Variants in MARCHF11 observed in about 807,000 individuals in gnomAD.
MARCHF11 encodes the protein membrane associated ring-CH-type finger 11, also known as E3 ubiquitin-protein ligase MARCHF11.
MARCHF11 carries 29 observed loss-of-function variants against 37.3 expected under a neutral mutation model. The observed-to-expected ratio is 0.78, with a 90% confidence interval of 0.58 to 1.06. MARCHF11 has a LOEUF of 1.06. MARCHF11 is among the 50% of genes least tolerant of loss of function. MARCHF11 has a pLI of 0.00. For missense variants in MARCHF11, 482 were observed against 533.4 expected (o/e 0.90, Z 0.95); for synonymous variants, 233 against 228.0 (o/e 1.02, Z -0.20).
chr5:16,162,762 T>C (rs1233581927), intron 2 of MARCHF11, among the ~76,000 whole-genome samples: 7 of 152,034 alleles, frequency 4.6e-5, no homozygotes, highest in African/African-American at 1.7e-4. Flanking sequence ...AAATATTAAA[T>C]GGATGAACAA....
intron 3 of MARCHF11, among the ~76,000 whole-genome samples, chr5:16,081,692 C>T (rs1736611968): frequency 6.6e-6 from 1 of 152,164 alleles, no homozygotes; most frequent in Non-Finnish European, 1.5e-5. Flanking sequence ...CTGACAGTGT[C>T]ACACTATCTC....
At chr5:16,080,497 A>G (rs1198636941) in intron 3 of MARCHF11, among the ~76,000 whole-genome samples, 1 of 152,164 alleles carries the variant, frequency 6.6e-6, no homozygotes. Flanking sequence ...CTGGGTGCAC[A>G]CTGGCCACAT....
rs374897876 is a variant in MARCHF11, at chr5:16,067,838, C to G, written c.887-45G>C. The G allele has an allele frequency of 1.8e-4, 280 of 1,525,396 alleles. No homozygotes were observed. In the Middle Eastern group the frequency reaches 3.7e-3, roughly 20 times the overall value. The allele number at this position is 1,525,396 out of a possible 1,614,324, so 94.5% of individuals were successfully genotyped here. A position where few individuals can be genotyped will look rare whatever the true frequency, so the allele number is the denominator to read the frequency against. ...AAAACCAAAAAGACTGGTGATAATC[C>G]AAGGCTGGGAGTGTTATTTTGTATA... On this transcript the variant is annotated intron_variant, in intron 3 of 3. Transcript: ENST00000332432.
chr5:16,101,038 A>C (rs1022082505), intron 2 of MARCHF11, among the ~76,000 whole-genome samples: 1 of 152,280 alleles, frequency 6.6e-6, no homozygotes, highest in South Asian at 2.1e-4. Flanking sequence ...TACAGAGTCC[A>C]CAGAAGAAAT....
rs115900406 is a variant in MARCHF11, at chr5:16,119,718, A to G, written c.694-28637T>C. On this transcript the variant is annotated intron_variant, in intron 2 of 3. Coordinates refer to ENST00000332432, the MANE Select transcript of MARCHF11 (RefSeq NM_001102562.3). ...GGATGCTGAGGTCCTATCAGCTAAC[A>G]AAACAACTATGTTTACTGATTTGCT... is the stretch of plus-strand genomic sequence containing the variant. Among the ~76,000 whole-genome samples the G allele has an allele frequency of 3.5e-3, 532 of 152,336 alleles. 1 individual carries two copies. The highest frequency in any genetic ancestry group is 0.012 in the African/African-American group (513 of 41,586).
At chr5:16,171,673 C>G (rs1303968035) in intron 2 of MARCHF11, among the ~76,000 whole-genome samples, 1 of 152,114 alleles carries the variant, frequency 6.6e-6, no homozygotes, top group Admixed American at 6.6e-5. Flanking sequence ...TATAATGGCC[C>G]TCCTAGCCTA....
intron 2 of MARCHF11, among the ~76,000 whole-genome samples, chr5:16,146,231 C>T (rs928806892): frequency 1.1e-4 from 17 of 152,136 alleles, no homozygotes; most frequent in African/African-American, 4.1e-4. Flanking sequence ...AATAAAGGAG[C>T]AGGCAGTGTC....
chr5:16,115,911 G>A (rs929419036), intron 2 of MARCHF11, among the ~76,000 whole-genome samples: 5 of 152,184 alleles, frequency 3.3e-5, no homozygotes, highest in South Asian at 2.1e-4. Flanking sequence ...ACAGGAGTAA[G>A]CCACCATGCC....
intron 2 of MARCHF11, among the ~76,000 whole-genome samples, chr5:16,115,375 A>G (rs1367980937): frequency 6.6e-6 from 1 of 152,194 alleles, no homozygotes; most frequent in Non-Finnish European, 1.5e-5. Context: ...CTGTCAAGTG[A>G]GCCTGATATC....
intron 3 of MARCHF11, among the ~76,000 whole-genome samples, chr5:16,081,622 T>TG (rs1553993818): frequency 6.6e-6 from 1 of 152,174 alleles, no homozygotes; most frequent in Non-Finnish European, 1.5e-5. Flanking sequence ...ACGCAATGAA[T>TG]ATTGGCTCGA....
At chr5:16,176,625 G>A (rs906249542) in intron 2 of MARCHF11, among the ~76,000 whole-genome samples, 13 of 152,106 alleles carry the variant, frequency 8.5e-5, no homozygotes, top group Admixed American at 3.9e-4. Context: ...TATCAGATAT[G>A]CAAATTAATT....
rs1017917272 is a variant in MARCHF11 at position 16,179,479 on chromosome 5, TCGGCGGCGG to T, written c.88_96del (p.Pro30_Pro32del). ...GGGGCCGGCTCTCCCGGCGGCGGCG[TCGGCGGCGG>T]CGGCGGGGGAGGTTGCGGGGGAGGC... On this transcript the variant is annotated inframe_deletion, in exon 1 of 4. Transcript: ENST00000332432. 2 of 1,131,526 alleles carry T rather than the reference TCGGCGGCGG, an allele frequency of 1.8e-6. No individual in the cohort carries two copies. The highest frequency in any genetic ancestry group is 4.3e-5 in the South Asian group (1 of 23,294). 70.1% of individuals were successfully genotyped at this position (1,131,526 alleles called of 1,614,324 possible). A position where few individuals can be genotyped will look rare whatever the true frequency, so the allele number is the denominator to read the frequency against.
At chr5:16,158,890 G>GC (rs938815463) in intron 2 of MARCHF11, among the ~76,000 whole-genome samples, 2 of 151,554 alleles carry the variant, frequency 1.3e-5, no homozygotes, top group African/African-American at 4.8e-5. Flanking sequence ...AGTGTTTGTT[G>GC]CCCCCTCCCT....
intron 2 of MARCHF11, among the ~76,000 whole-genome samples, chr5:16,160,978 C>T (rs1738066385): frequency 1.3e-5 from 2 of 151,988 alleles, no homozygotes; most frequent in Admixed American, 1.3e-4. Context: ...GATACCAACA[C>T]TTAGGATGCT....
intron 2 of MARCHF11, among the ~76,000 whole-genome samples, chr5:16,173,322 TCACAGGTTA>T (rs1336766527): frequency 2.0e-5 from 3 of 152,154 alleles, no homozygotes; most frequent in Non-Finnish European, 1.5e-5. Context: ...TCCTGCCTAC[TCACAGGTTA>T]CATGCACCCA....
At chr5:16,142,690 T>TC (rs869244416) in intron 2 of MARCHF11, among the ~76,000 whole-genome samples, 1 of 25,746 alleles carries the variant, frequency 3.9e-5, no homozygotes, top group African/African-American at 2.0e-4. Flanking sequence ...ATATTTTATC[T>TC]TTTTTTTTTT....
intron 2 of MARCHF11, among the ~76,000 whole-genome samples, chr5:16,142,828 A>G (rs1737734607): frequency 7.2e-6 from 1 of 139,424 alleles, no homozygotes; most frequent in Non-Finnish European, 1.5e-5. Flanking sequence ...AGTAGCTGAG[A>G]TTACAGACAT....
chr5:16,098,428 G>A (rs1243395089), intron 2 of MARCHF11, among the ~76,000 whole-genome samples: 6 of 152,160 alleles, frequency 3.9e-5, no homozygotes, highest in Non-Finnish European at 7.4e-5. Flanking sequence ...GAATTTACAA[G>A]AAAACCTGTT....
rs541105963 is a variant in MARCHF11, at chr5:16,096,096, A to C, written c.694-5015T>G. Reference sequence around the variant, plus strand: ...TTCTAAAATGCCCTTCTCTCTGCCTACTCTCTCTGCTCTCACTCCTTAATT... The same window carrying C: ...TTCTAAAATGCCCTTCTCTCTGCCTCCTCTCTCTGCTCTCACTCCTTAATT... On this transcript the variant is annotated intron_variant, in intron 2 of 3. Coordinates refer to ENST00000332432, the MANE Select transcript of MARCHF11 (RefSeq NM_001102562.3). Among the ~76,000 whole-genome samples, 4 of 152,064 alleles carry C rather than the reference A, an allele frequency of 2.6e-5. No homozygotes were observed. In the East Asian group the frequency reaches 7.8e-4, roughly 30 times the overall value.
Sources: allele counts gnomAD v4.1 joint callset (sites outside exome capture counted in the v4.1 genomes callset), GRCh38; gene constraint gnomAD v4.1.1; transcripts MANE v1.5; gene names NCBI Gene and HGNC (gene_info 2026-07-23, HGNC 2026-07-21).